The following DIPK1A variants were observed in gnomAD, a reference collection of about 807,000 sequenced individuals.
The protein encoded by DIPK1A is family with sequence similarity 69 member A.
In DIPK1A, 27 loss-of-function variants were observed where a neutral mutation model predicts 40.8. The ratio of observed to expected loss-of-function variants is 0.66; its 90% CI spans 0.49 to 0.91. The LOEUF is 0.91. Ranked by LOEUF, DIPK1A falls within the 40% of genes least tolerant of loss-of-function variation. The pLI is 0.00. For missense variants in DIPK1A, 412 were observed against 505.7 expected (o/e 0.81, Z 1.78); for synonymous variants, 166 against 171.3 (o/e 0.97, Z 0.24).
At chr1:92,834,666 A>T in intron 4 of DIPK1A, 2 of 1,401,422 alleles carry the variant, frequency 1.4e-6, no homozygotes, top group Non-Finnish European at 2.0e-6. Context: ...TAAGCATTTT[A>T]AGTGATGTTC....
chr1:92,886,526 T>G (rs1161220315), intron 1 of DIPK1A, among the ~76,000 whole-genome samples: 1 of 151,956 alleles, frequency 6.6e-6, no homozygotes, highest in East Asian at 1.9e-4. Context: ...AATTTTTTTT[T>G]TGGTATTTAA....
intron 2 of DIPK1A, among the ~76,000 whole-genome samples, chr1:92,867,096 A>G (rs1647582138): frequency 6.6e-6 from 1 of 152,084 alleles, no homozygotes; most frequent in Admixed American, 6.6e-5. Context: ...TATCCTTACG[A>G]CCACCTGATA....
chr1:92,866,621 G>A (rs899276633), intron 2 of DIPK1A, among the ~76,000 whole-genome samples: 8 of 152,196 alleles, frequency 5.3e-5, no homozygotes, highest in African/African-American at 1.9e-4. Context: ...AACAATCTAG[G>A]TGTTGCTGTG....
chr1:92,916,293 CCTTT>C (rs1650049685), intron 1 of DIPK1A, among the ~76,000 whole-genome samples: 1 of 150,526 alleles, frequency 6.6e-6, no homozygotes, highest in East Asian at 1.9e-4. Context: ...CAGATTTGAT[CCTTT>C]TTTTCTTTTT....
intron 2 of DIPK1A, among the ~76,000 whole-genome samples, chr1:92,863,828 CT>C (rs1431620154): frequency 2.0e-5 from 3 of 151,986 alleles, no homozygotes; most frequent in African/African-American, 7.3e-5. Flanking sequence ...CGAGGAGAGG[CT>C]CACTTAAGGT....
At chr1:92,949,323 G>A (rs183437537) in intron 1 of DIPK1A, among the ~76,000 whole-genome samples, 2 of 151,870 alleles carry the variant, frequency 1.3e-5, no homozygotes, top group Admixed American at 6.6e-5. Context: ...TGCCCAGGCT[G>A]GAGTGCAATG....
At position 92,843,274 on chromosome 1, in the gene DIPK1A, G is replaced by T; in HGVS notation, c.*109C>A. On this transcript the variant is annotated 3_prime_UTR_variant, in exon 5 of 5. Coordinates refer to ENST00000370310, the MANE Select transcript of DIPK1A (RefSeq NM_001006605.5). ...ACTGATGGCTTCTCAGGCCTGGGGG[G>T]AAGGAGTTTTGTGTAACTGGCCGGA... is the stretch of plus-strand genomic sequence containing the variant. 1 of 1,451,840 alleles carries T rather than the reference G, an allele frequency of 6.9e-7. No individual in the cohort carries two copies. Among genetic ancestry groups the T allele is most frequent in the Non-Finnish European group, 9.1e-7 (1 of 1,103,578 alleles). The allele number at this position is 1,451,840 out of a possible 1,614,324, so 89.9% of individuals were successfully genotyped here.
intron 1 of DIPK1A, among the ~76,000 whole-genome samples, chr1:92,900,223 T>G (rs1649351345): frequency 6.6e-6 from 1 of 152,212 alleles, no homozygotes; most frequent in Non-Finnish European, 1.5e-5. Context: ...CCTTCTTTTC[T>G]CTTTCTGAAC....
chr1:92,954,973 A>G (rs1052453716), intron 1 of DIPK1A, among the ~76,000 whole-genome samples: 65 of 152,248 alleles, frequency 4.3e-4, no homozygotes, highest in African/African-American at 1.5e-3. Context: ...AAACTGTGGT[A>G]CACCCAGACA....
chr1:92,865,079 T>C (rs1647474022), intron 2 of DIPK1A, among the ~76,000 whole-genome samples: 1 of 146,322 alleles, frequency 6.8e-6, no homozygotes, highest in Non-Finnish European at 1.5e-5. Context: ...ACATACTATA[T>C]AGCCAAGAAC....
rs1368137557 is a variant in DIPK1A, at chr1:92,842,590, AATTT to A, written c.*789_*792del. The A allele has an allele frequency of 3.1e-6, 3 of 957,606 alleles. No homozygotes were observed. The highest frequency in any genetic ancestry group is 8.1e-5 in the Admixed American group (1 of 12,280). 59.3% of individuals were successfully genotyped at this position (957,606 alleles called of 1,614,324 possible). A position where few individuals can be genotyped will look rare whatever the true frequency, so the allele number is the denominator to read the frequency against. The stretch of plus-strand genomic sequence containing the variant: ...AAGTTATTACTAAAAAGTCTGCTAT[AATTT>A]ATTTTAGTCTTGCACTTACAGTCCC... On this transcript the variant is annotated 3_prime_UTR_variant, in exon 5 of 5. Coordinates refer to ENST00000370310, the MANE Select transcript of DIPK1A (RefSeq NM_001006605.5).
At chr1:92,832,997 T>TG (rs776946966) in exon 5 of DIPK1A, 512 of 737,418 alleles carry the variant, frequency 6.9e-4, no homozygotes, top group Non-Finnish European at 1.1e-3. Flanking sequence ...TCTGGAGCAG[T>TG]GCTTCGCAAA....
downstream of DIPK1A, chr1:92,841,969 C>A (rs139252989): frequency 3.0e-6 from 3 of 991,088 alleles, no homozygotes; most frequent in Non-Finnish European, 4.4e-6. Flanking sequence ...TAGGAAATAC[C>A]CTGAAATATT....
At chr1:92,943,363 G>A (rs1651240973) in intron 1 of DIPK1A, among the ~76,000 whole-genome samples, 1 of 152,132 alleles carries the variant, frequency 6.6e-6, no homozygotes, top group African/African-American at 2.4e-5. Context: ...AATGCTAGAG[G>A]GAATCTAGAG....
intron 2 of DIPK1A, among the ~76,000 whole-genome samples, chr1:92,870,075 TACACAC>T (rs3221733): frequency 0.023 from 1,535 of 66,422 alleles, 35 homozygotes; most frequent in South Asian, 0.071. Flanking sequence ...GAATTATATA[TACACAC>T]ACACACACAC....
At chr1:92,890,497 T>A (rs952645646) in intron 1 of DIPK1A, among the ~76,000 whole-genome samples, 1 of 152,200 alleles carries the variant, frequency 6.6e-6, no homozygotes, top group Non-Finnish European at 1.5e-5. Flanking sequence ...TCCTTCTATA[T>A]CCAATTTGTT....
intron 1 of DIPK1A, among the ~76,000 whole-genome samples, chr1:92,887,673 T>C (rs750189517): frequency 1.3e-5 from 2 of 152,220 alleles, no homozygotes; most frequent in African/African-American, 2.4e-5. Flanking sequence ...CACTAAGTTT[T>C]GGGGAAATTT....
rs573144447 is a variant in DIPK1A, at chr1:92,890,651, C to T, written c.55-14221G>A. Among the ~76,000 whole-genome samples, 4 of 152,300 alleles carry T rather than the reference C, an allele frequency of 2.6e-5. No individual in the cohort carries two copies. The South Asian group carries it at 8.3e-4, about 32-fold the overall frequency. Reference sequence around the variant, plus strand: ...TGTGTACGTTGACCTATCTTTGCATCTCTTGAATAAATCCCATTTGATCAT... The same window carrying T: ...TGTGTACGTTGACCTATCTTTGCATTTCTTGAATAAATCCCATTTGATCAT... On this transcript the variant is annotated intron_variant, in intron 1 of 4. Transcript: ENST00000370310.
intron 1 of DIPK1A, among the ~76,000 whole-genome samples, chr1:92,954,606 C>T (rs1308264583): frequency 2.0e-5 from 3 of 151,908 alleles, no homozygotes; most frequent in African/African-American, 7.3e-5. Context: ...AACTCCTGAC[C>T]TCAAGTGATC....
Sources: gnomAD v4.1 joint callset for allele counts (sites outside exome capture counted in the v4.1 genomes callset) on GRCh38, gnomAD v4.1.1 for gene constraint, MANE v1.5 for transcripts, NCBI Gene and HGNC (gene_info 2026-07-23, HGNC 2026-07-21) for gene names.